The following IL1RAPL1 variants were observed in gnomAD, a reference collection of about 807,000 sequenced individuals.
The protein encoded by IL1RAPL1 is interleukin 1 receptor accessory protein like 1.
In IL1RAPL1, 3 loss-of-function variants were observed where a neutral mutation model predicts 48.4. The ratio of observed to expected loss-of-function variants is 0.06; its 90% CI spans 0.03 to 0.16. The LOEUF (loss-of-function observed/expected upper bound fraction) is 0.16. Ranked by LOEUF, IL1RAPL1 falls within the 10% of genes least tolerant of loss-of-function variation. IL1RAPL1 has a pLI of 1.00. For synonymous variants in IL1RAPL1, 185 were observed against 187.7 expected (o/e 0.99, Z 0.12); for missense variants, 349 against 530.6 (o/e 0.66, Z 3.36).
At chrX:29,007,599 G>GGA (rs1350318330) in intron 2 of IL1RAPL1, among the ~76,000 whole-genome samples, 1 of 111,824 alleles carries the variant, frequency 8.9e-6, no homozygotes, top group African/African-American at 3.2e-5. Context: ...AAAGTAATCT[G>GGA]GAGAGATTTC....
chrX:29,350,678 G>A (rs369438967), intron 3 of IL1RAPL1, among the ~76,000 whole-genome samples: 13 of 108,136 alleles, frequency 1.2e-4, no homozygotes, highest in Non-Finnish European at 2.3e-4. Context: ...TCTACATGGC[G>A]CCCTGAGCTG....
intron 6 of IL1RAPL1, among the ~76,000 whole-genome samples, chrX:29,844,130 C>A (rs1931196293): frequency 8.9e-6 from 1 of 111,906 alleles, no homozygotes; most frequent in Non-Finnish European, 1.9e-5. Context: ...TTGACCATGT[C>A]TGTCTATCCA....
At chrX:29,480,198 A>G (rs920395986) in intron 5 of IL1RAPL1, among the ~76,000 whole-genome samples, 2 of 106,935 alleles carry the variant, frequency 1.9e-5, no homozygotes, top group Non-Finnish European at 3.8e-5. Context: ...ATAAAACTCC[A>G]TTTAGTACTG....
intron 2 of IL1RAPL1, among the ~76,000 whole-genome samples, chrX:29,278,356 C>T (rs1932149353): frequency 8.9e-6 from 1 of 111,920 alleles, no homozygotes; most frequent in Non-Finnish European, 1.9e-5. Flanking sequence ...TTCATATATG[C>T]TCCCAGAACT....
intron 6 of IL1RAPL1, among the ~76,000 whole-genome samples, chrX:29,696,657 C>T (rs767568883): frequency 7.2e-5 from 8 of 111,650 alleles, no homozygotes; most frequent in African/African-American, 2.3e-4. Context: ...CGTTGCTTAC[C>T]GCAGTTGGTC....
chrX:29,453,856 A>G (rs1934708516), intron 5 of IL1RAPL1, among the ~76,000 whole-genome samples: 1 of 112,544 alleles, frequency 8.9e-6, no homozygotes, highest in Non-Finnish European at 1.9e-5. Flanking sequence ...ACATTTCAGC[A>G]TATGTTTAAA....
At chrX:29,032,156 G>T (rs1249909597) in intron 2 of IL1RAPL1, among the ~76,000 whole-genome samples, 1 of 111,782 alleles carries the variant, frequency 8.9e-6, no homozygotes. Flanking sequence ...TGTGCAGGTT[G>T]TCTACTGTAC....
chrX:29,646,396 C>A (rs62586511), intron 5 of IL1RAPL1, among the ~76,000 whole-genome samples: 1 of 110,046 alleles, frequency 9.1e-6, no homozygotes, highest in Non-Finnish European at 1.9e-5. Flanking sequence ...TGAAAATATA[C>A]GGTAAGATGA....
At chrX:29,098,176 T>A (rs1193863459) in intron 2 of IL1RAPL1, among the ~76,000 whole-genome samples, 1 of 111,653 alleles carries the variant, frequency 9.0e-6, no homozygotes, top group African/African-American at 3.3e-5. Flanking sequence ...CCTTTCTTTC[T>A]TTTTTTCCTC....
chrX:29,048,670 G>A (rs945250008), intron 2 of IL1RAPL1, among the ~76,000 whole-genome samples: 1 of 112,114 alleles, frequency 8.9e-6, no homozygotes, highest in Non-Finnish European at 1.9e-5. Context: ...AGACAAAACT[G>A]GAAGTCATTC....
intron 5 of IL1RAPL1, among the ~76,000 whole-genome samples, chrX:29,421,397 C>T (rs1238840097): frequency 9.0e-6 from 1 of 111,055 alleles, no homozygotes; most frequent in Non-Finnish European, 1.9e-5. Context: ...CTCATCTCCA[C>T]ACTCCCACAC....
chrX:29,366,299 A>G (rs1357548791), intron 3 of IL1RAPL1, among the ~76,000 whole-genome samples: 1 of 110,243 alleles, frequency 9.1e-6, no homozygotes, highest in Non-Finnish European at 1.9e-5. Context: ...AGTTTGGGAT[A>G]ACTGTATGCT....
chrX:28,849,180 A>G (rs1474833953), intron 2 of IL1RAPL1, among the ~76,000 whole-genome samples: 2 of 111,112 alleles, frequency 1.8e-5, no homozygotes, highest in Non-Finnish European at 3.8e-5. Context: ...GAATGTTTCA[A>G]AAAGACTCTA....
At chrX:29,071,725 G>A (rs1301460425) in intron 2 of IL1RAPL1, among the ~76,000 whole-genome samples, 1 of 111,219 alleles carries the variant, frequency 9.0e-6, no homozygotes, top group East Asian at 2.8e-4. Flanking sequence ...TATGACAGAT[G>A]GTTTTAATAG....
At chrX:28,683,357 C>T (rs1034440261) in intron 1 of IL1RAPL1, among the ~76,000 whole-genome samples, 6 of 106,123 alleles carry the variant, frequency 5.7e-5, no homozygotes, top group African/African-American at 1.7e-4. Flanking sequence ...GGAAATATCT[C>T]TTTTTTTTTT....
chrX:29,942,074 G>A (rs1274302505), intron 9 of IL1RAPL1, among the ~76,000 whole-genome samples: 4 of 111,997 alleles, frequency 3.6e-5, no homozygotes, highest in Admixed American at 9.4e-5. Flanking sequence ...AATGCCATCA[G>A]AGTGTTCCTT....
chrX:28,761,013 G>T (rs192939228), intron 1 of IL1RAPL1, among the ~76,000 whole-genome samples: 93 of 108,604 alleles, frequency 8.6e-4, no homozygotes, highest in East Asian at 3.8e-3. Flanking sequence ...TTGAACCTGG[G>T]GGGGCAGAGG....
intron 2 of IL1RAPL1, among the ~76,000 whole-genome samples, chrX:29,036,721 C>T (rs891760495): frequency 9.0e-6 from 1 of 110,643 alleles, no homozygotes; most frequent in African/African-American, 3.3e-5. Flanking sequence ...TCTAATTCAC[C>T]AAAAGTCTAT....
intron 2 of IL1RAPL1, among the ~76,000 whole-genome samples, chrX:29,174,474 G>A: frequency 8.9e-6 from 1 of 111,967 alleles, no homozygotes; most frequent in Non-Finnish European, 1.9e-5. Flanking sequence ...GTGATGTTTA[G>A]GTTACATTGT....
Sources: allele counts gnomAD v4.1 joint callset (sites outside exome capture counted in the v4.1 genomes callset), GRCh38; gene constraint gnomAD v4.1.1; transcripts MANE v1.5; gene names NCBI Gene and HGNC (gene_info 2026-07-23, HGNC 2026-07-21).